The following DSE variants were observed in gnomAD, a reference collection of about 807,000 sequenced individuals.
DSE encodes the protein dermatan sulfate epimerase, also known as dermatan-sulfate epimerase.
DSE carries 36 observed loss-of-function variants against 84.4 expected under a neutral mutation model. That is an observed-to-expected ratio of 0.43 (90% CI 0.33 to 0.56). The LOEUF is 0.56. DSE is among the 20% of genes least tolerant of loss of function. The pLI, the probability that DSE is intolerant of heterozygous loss-of-function variation, is 0.06. For synonymous variants in DSE, 410 were observed against 430.1 expected, an observed-to-expected ratio of 0.95 and a Z score of 0.58; for missense variants, 862 against 1,169.6, an observed-to-expected ratio of 0.74 and a Z score of 3.84.
At chr6:116,414,301 G>C (rs1782562953) in intron 2 of DSE, among the ~76,000 whole-genome samples, 1 of 152,124 alleles carries the variant, frequency 6.6e-6, no homozygotes, top group Admixed American at 6.6e-5. Context: ...TTCTTGGCTT[G>C]CAAATGCATC....
chr6:116,288,281 T>C (rs1022941298), intron 2 of DSE: 2 of 152,152 alleles, frequency 1.3e-5, no homozygotes, highest in African/African-American at 4.8e-5. Context: ...AAGTGTACTA[T>C]AAGCTTTCAA....
At chr6:116,429,221 G>C (rs184805035) in intron 3 of DSE, among the ~76,000 whole-genome samples, 2 of 152,238 alleles carry the variant, frequency 1.3e-5, no homozygotes, top group Admixed American at 1.3e-4. Context: ...AAGAGGCCAG[G>C]GTATGATGAT....
chr6:116,255,253 T>C (rs1772095520), intron 1 of DSE: 1 of 152,232 alleles, frequency 6.6e-6, no homozygotes. Flanking sequence ...TATGATCACT[T>C]TCAAATACAG....
At chr6:116,312,997 A>ACAC (rs1443274386) in intron 2 of DSE, among the ~76,000 whole-genome samples, 1 of 152,220 alleles carries the variant, frequency 6.6e-6, no homozygotes, top group Non-Finnish European at 1.5e-5. Flanking sequence ...ATGTGATCTT[A>ACAC]GTTGGTGATA....
intron 2 of DSE, among the ~76,000 whole-genome samples, chr6:116,332,124 T>A (rs890309662): frequency 8.5e-5 from 13 of 152,200 alleles, no homozygotes; most frequent in Non-Finnish European, 1.5e-5. Flanking sequence ...ATTTCATTTC[T>A]ATGATGAGCA....
chr6:116,416,349 CTGTGTGTGTGTGTG>C (rs59237926), intron 2 of DSE, among the ~76,000 whole-genome samples: 4,522 of 134,034 alleles, frequency 0.034, 246 homozygotes, highest in African/African-American at 0.12. Context: ...CTAATTGCCA[CTGTGTGTGTGTGTG>C]TGTGTGTGTG....
chr6:116,357,245 G>A (rs1778629532), intron 2 of DSE, among the ~76,000 whole-genome samples: 1 of 152,152 alleles, frequency 6.6e-6, no homozygotes, highest in Non-Finnish European at 1.5e-5. Flanking sequence ...ACAAAAACAA[G>A]TTATCAGCCG....
At chr6:116,336,623 C>T (rs1049616035) in intron 2 of DSE, among the ~76,000 whole-genome samples, 188 of 152,016 alleles carry the variant, frequency 1.2e-3, no homozygotes, top group Non-Finnish European at 1.3e-4. Flanking sequence ...GGCATGGTAG[C>T]GCATGCTTGT....
chr6:116,408,619 T>G (rs1782092922), intron 2 of DSE, among the ~76,000 whole-genome samples: 1 of 152,194 alleles, frequency 6.6e-6, no homozygotes, highest in African/African-American at 2.4e-5. Context: ...GTGCCTGTCA[T>G]CAGCCGTTTG....
intron 3 of DSE, among the ~76,000 whole-genome samples, chr6:116,429,540 C>G (rs932223455): frequency 2.6e-5 from 4 of 152,126 alleles, no homozygotes; most frequent in African/African-American, 9.7e-5. Flanking sequence ...AGTCATGTGC[C>G]AGAGGTCTTG....
At chr6:116,365,443 C>CG (rs1334197706), upstream of DSE, among the ~76,000 whole-genome samples, 2 of 151,860 alleles carry the variant, frequency 1.3e-5, no homozygotes. Context: ...TTAGTAGAGA[C>CG]GGGGTTTCAC....
chr6:116,275,924 C>A (rs1477423556), intron 2 of DSE, among the ~76,000 whole-genome samples: 4 of 152,054 alleles, frequency 2.6e-5, no homozygotes, highest in African/African-American at 7.2e-5. Flanking sequence ...AAAATATAAT[C>A]TCTGTATTTT....
intron 2 of DSE, among the ~76,000 whole-genome samples, chr6:116,281,623 C>T (rs1158942060): frequency 2.0e-5 from 3 of 152,216 alleles, no homozygotes; most frequent in Non-Finnish European, 4.4e-5. Context: ...CCTAAACATA[C>T]CACAAACGAT....
intron 2 of DSE, among the ~76,000 whole-genome samples, chr6:116,327,577 G>A (rs1336700983): frequency 6.6e-6 from 1 of 152,182 alleles, no homozygotes; most frequent in Non-Finnish European, 1.5e-5. Context: ...CTGGAGTCCA[G>A]GGGTTACATA....
chr6:116,351,587 C>G (rs932053859), intron 2 of DSE, among the ~76,000 whole-genome samples: 17 of 151,822 alleles, frequency 1.1e-4, no homozygotes, highest in African/African-American at 4.1e-4. Context: ...ATTTTTACCT[C>G]ATTATAAAAT....
chr6:116,346,441 C>T (rs1463708958), intron 2 of DSE, among the ~76,000 whole-genome samples: 1 of 152,172 alleles, frequency 6.6e-6, no homozygotes, highest in African/African-American at 2.4e-5. Context: ...GGGCTTCATC[C>T]CTGGGATACA....
At position 116,300,505 on chromosome 6, in the gene DSE, A is replaced by G. The variant is rs1023510908; in HGVS notation, c.-54+41538A>G. On this transcript the variant is annotated intron_variant, in intron 2 of 3. Coordinates refer to the DSE transcript ENST00000430252. The stretch of plus-strand genomic sequence containing the variant: ...GGAATTTTTAGAATTCACAGGGACT[A>G]TGCATAATATTTGGTAATGGCTTGA... 3.3e-5 allele frequency among the ~76,000 whole-genome samples: 5 copies of G among 152,368 alleles called. No homozygotes were observed. The South Asian group carries it at 8.3e-4, about 25-fold the overall frequency.
At chr6:116,336,755 CA>C (rs55859612) in intron 2 of DSE, among the ~76,000 whole-genome samples, 103,505 of 130,094 alleles carry the variant, frequency 0.8, 40,445 homozygotes, top group East Asian at 0.9. Flanking sequence ...AACTCCATCT[CA>C]AAAAAAAAAA....
chr6:116,426,481 G>A (rs574375380), intron 2 of DSE, 93 bp from the exon 3 acceptor site: 1 of 1,500,720 alleles, frequency 6.7e-7, no homozygotes, highest in South Asian at 1.3e-5. Context: ...ATCTTCAAGT[G>A]TGCCCTTTAG....
Sources: allele counts gnomAD v4.1 joint callset (sites outside exome capture counted in the v4.1 genomes callset), GRCh38; gene constraint gnomAD v4.1.1; transcripts MANE v1.5; gene names NCBI Gene and HGNC (gene_info 2026-07-23, HGNC 2026-07-21).